PM20D2: variants seen among roughly 807,000 people sequenced by gnomAD.
The protein encoded by PM20D2 is xaa-Arg dipeptidase.
Under a neutral mutation model 42.9 loss-of-function variants are expected in PM20D2, and 33 were observed. That is an observed-to-expected ratio of 0.77 (90% CI 0.58 to 1.03). The LOEUF is 1.03. Among genes scored for constraint, PM20D2 ranks in the 50% least tolerant of loss-of-function variants. The pLI is 0.00. For synonymous variants in PM20D2, 250 were observed against 228.2 expected, an observed-to-expected ratio of 1.10 and a Z score of -0.86; for missense variants, 548 against 557.0, an observed-to-expected ratio of 0.98 and a Z score of 0.16.
At chr6:89,136,539 G>A in the PM20D2 span, among the ~76,000 whole-genome samples, 22 of 150,668 alleles carry the variant, frequency 1.5e-4, 2 homozygotes, top group African/African-American at 5.5e-4. Flanking sequence ...TCAGCCGGGC[G>A]TGGTGGTGGG....
chr6:89,146,240 C>T lies in PM20D2; in HGVS notation c.96C>T (p.Asp32=). The T allele has an allele frequency of 6.3e-7, 1 of 1,579,154 alleles. No individual in the cohort carries two copies. The highest frequency in any genetic ancestry group is 8.5e-7 in the Non-Finnish European group (1 of 1,170,450). ...LLKLRSAECI[D]EAAERLGALS... is the part of the protein sequence containing the mutation. Reference sequence around the variant, plus strand: ...AGCTGCGCTCGGCGGAGTGCATCGACGAGGCGGCCGAGCGGCTGGGGGCCC... The same window carrying T: ...AGCTGCGCTCGGCGGAGTGCATCGATGAGGCGGCCGAGCGGCTGGGGGCCC... The change falls in exon 1 of 7, where the codon GAC becomes GAT. Residue 32 remains aspartate (D), a synonymous_variant. Transcript: ENST00000275072.
At chr6:89,137,900 T>G in the PM20D2 span, among the ~76,000 whole-genome samples, 1 of 152,170 alleles carries the variant, frequency 6.6e-6, no homozygotes, top group Non-Finnish European at 1.5e-5. Context: ...TATAAACCAT[T>G]GGACATTCCA....
chr6:89,122,270 A>G, the PM20D2 span, among the ~76,000 whole-genome samples: 9 of 152,334 alleles, frequency 5.9e-5, no homozygotes, highest in East Asian at 1.7e-3. Context: ...TGAATGGTAC[A>G]GGAGAAGCAC....
At chr6:89,147,876 GAGCGAGGCCTC>G (rs1770653298) in intron 1 of PM20D2, among the ~76,000 whole-genome samples, 1 of 149,564 alleles carries the variant, frequency 6.7e-6, no homozygotes. Flanking sequence ...CTGGGCAACA[GAGCGAGGCCTC>G]CTCTTAAAAA....
chr6:89,157,016 A>G (rs187365721), intron 4 of PM20D2, among the ~76,000 whole-genome samples: 43 of 152,286 alleles, frequency 2.8e-4, no homozygotes, highest in African/African-American at 9.4e-4. Flanking sequence ...TCATTAGGCA[A>G]TATCTCAAGG....
the PM20D2 span, chr6:89,098,995 G>A: frequency 2.7e-5 from 42 of 1,532,264 alleles, no homozygotes; most frequent in Non-Finnish European, 3.7e-5. Flanking sequence ...CAAAATAAGA[G>A]ATCAGGAAAT....
chr6:89,154,161 G>T (rs7452757), intron 3 of PM20D2, among the ~76,000 whole-genome samples: 51,875 of 152,020 alleles, frequency 0.34, 9,707 homozygotes, highest in African/African-American at 0.5. Flanking sequence ...GTAGGTCATA[G>T]GACATTGGAT....
At chr6:89,158,548 G>A in intron 5 of PM20D2, 88 bp downstream of exon 5, 1 of 1,444,692 alleles carries the variant, frequency 6.9e-7, no homozygotes, top group Non-Finnish European at 9.4e-7. Context: ...TGGTTTGGGA[G>A]GTCGGGAGGT....
chr6:89,116,049 C>A, the PM20D2 span, among the ~76,000 whole-genome samples: 2 of 152,206 alleles, frequency 1.3e-5, no homozygotes, highest in African/African-American at 4.8e-5. Flanking sequence ...AACAATAAGT[C>A]CAGATGTCTA....
Position 89,163,293 on chromosome 6 carries a change from T to C in PM20D2, c.*1030T>C, listed in dbSNP as rs888017274. ...TGTACAACGTGGAGAAGAAAAGATA[T>C]ACTTACTACTTTGCTTCAGGTACAC... On this transcript the variant is annotated 3_prime_UTR_variant, in exon 7 of 7. Transcript: ENST00000275072. The C allele has an allele frequency of 4.6e-5, 7 of 152,200 alleles. No individual in the cohort carries two copies. The highest frequency in any genetic ancestry group is 2.1e-4 in the South Asian group (1 of 4,828). The allele number at this position is 152,200 out of a possible 1,614,324, so 9.4% of individuals were successfully genotyped here.
chr6:89,140,001 C>G, the PM20D2 span, among the ~76,000 whole-genome samples: 2 of 152,180 alleles, frequency 1.3e-5, no homozygotes, highest in African/African-American at 4.8e-5. Context: ...TGCAAAAGGG[C>G]CCCAGCCATA....
the PM20D2 span, among the ~76,000 whole-genome samples, chr6:89,110,330 G>T: frequency 6.6e-6 from 1 of 152,150 alleles, no homozygotes; most frequent in African/African-American, 2.4e-5. Flanking sequence ...GCTCAAGCAA[G>T]CCACTCAAGT....
chr6:89,140,436 G>A, the PM20D2 span, among the ~76,000 whole-genome samples: 1 of 152,144 alleles, frequency 6.6e-6, no homozygotes. Flanking sequence ...TGAATCCTTA[G>A]TAAAGGTAAT....
In PM20D2 at chr6:89,154,543, TTTC is replaced by T. The variant is rs1330765279; in HGVS notation, c.758-202_758-200del. On this transcript the variant is annotated intron_variant, in intron 3 of 6. Transcript: ENST00000275072. Reference sequence around the variant, plus strand: ...ATGAAGTGCATATGGATAATTATTTTTTCTTATCAGCCAAAAAATATCACCCTA... The same window carrying T: ...ATGAAGTGCATATGGATAATTATTTTTTATCAGCCAAAAAATATCACCCTA... Among the ~76,000 whole-genome samples, 10 of 152,362 alleles carry T rather than the reference TTTC, an allele frequency of 6.6e-5. No homozygotes were observed. In the East Asian group the frequency reaches 1.9e-3, roughly 29 times the overall value.
the PM20D2 span, among the ~76,000 whole-genome samples, chr6:89,124,227 T>TA: frequency 6.6e-6 from 1 of 152,050 alleles, no homozygotes; most frequent in Non-Finnish European, 1.5e-5. Flanking sequence ...CTGGGCAACA[T>TA]ACGAAACCTC....
At chr6:89,151,769 A>G (rs1562252032) in intron 2 of PM20D2, among the ~76,000 whole-genome samples, 1 of 152,120 alleles carries the variant, frequency 6.6e-6, no homozygotes, top group Non-Finnish European at 1.5e-5. Flanking sequence ...TCTCGTTTTT[A>G]TAATATTTAT....
At chr6:89,105,472 A>C in the PM20D2 span, 1 of 1,611,906 alleles carries the variant, frequency 6.2e-7, no homozygotes, top group Non-Finnish European at 8.5e-7. Flanking sequence ...TGACGGCCAC[A>C]TACCCACTTT....
At chr6:89,117,494 G>A in the PM20D2 span, among the ~76,000 whole-genome samples, 8 of 152,318 alleles carry the variant, frequency 5.3e-5, no homozygotes, top group Admixed American at 4.6e-4. Context: ...CCCGACTCCC[G>A]GCGGGGAGCG....
intron 1 of PM20D2, 46 bp downstream of exon 1, chr6:89,146,655 G>C: frequency 2.2e-6 from 3 of 1,336,396 alleles, no homozygotes; most frequent in East Asian, 3.0e-5. Context: ...TGCCCGGGTC[G>C]GGGGCGACCC....
Sources: gnomAD v4.1 joint callset for allele counts (sites outside exome capture counted in the v4.1 genomes callset) on GRCh38, gnomAD v4.1.1 for gene constraint, MANE v1.5 for transcripts, NCBI Gene and HGNC (gene_info 2026-07-23, HGNC 2026-07-21) for gene names.